TANGO6: variants seen among roughly 807,000 people sequenced by gnomAD.
The protein encoded by TANGO6 is transport and golgi organization 6 homolog.
A neutral mutation model predicts 114.2 loss-of-function variants in TANGO6; 90 were observed. The observed-to-expected ratio is 0.79, with a 90% CI of 0.66 to 0.94. TANGO6 has a LOEUF of 0.94. Ranked by LOEUF, TANGO6 falls within the 40% of genes least tolerant of loss-of-function variation. TANGO6 has a pLI of 0.00. For missense variants in TANGO6, 1,274 were observed against 1,315.3 expected (o/e 0.97, Z 0.49); for synonymous variants, 477 against 509.8 (o/e 0.94, Z 0.87).
chr16:69,083,678 G>A lies in TANGO6; in HGVS notation c.*17G>A, dbSNP rs1392949186. The A allele has an allele frequency of 5.8e-6, 9 of 1,550,150 alleles. No individual in the cohort carries two copies. The Admixed American group carries it at 5.9e-5, about 10-fold the overall frequency. ...CTGCCGTAGACCTGGCTCCAAGGACGTGGAGGAGGCAGGCAGGGCCAGGCA... is the reference window on the plus strand; with the variant it reads ...CTGCCGTAGACCTGGCTCCAAGGACATGGAGGAGGCAGGCAGGGCCAGGCA... On this transcript the variant is annotated 3_prime_UTR_variant, in exon 18 of 18. Coordinates refer to ENST00000261778, the MANE Select transcript of TANGO6 (RefSeq NM_024562.2).
chr16:68,846,189 T>C (rs1192072427), intron 1 of TANGO6, among the ~76,000 whole-genome samples: 1 of 151,740 alleles, frequency 6.6e-6, no homozygotes, highest in Admixed American at 6.6e-5. Context: ...CATGCCCGGC[T>C]AATTTTTTGT....
At chr16:68,978,918 G>C (rs1466976887) in intron 15 of TANGO6, among the ~76,000 whole-genome samples, 1 of 143,602 alleles carries the variant, frequency 7.0e-6, no homozygotes, top group African/African-American at 2.5e-5. Flanking sequence ...AGTATATAAA[G>C]TATATGATTT....
At chr16:69,048,258 ATTTTTTTTTTTT>A (rs71383949) in intron 17 of TANGO6, among the ~76,000 whole-genome samples, 2 of 111,640 alleles carry the variant, frequency 1.8e-5, no homozygotes, top group Non-Finnish European at 3.5e-5. Flanking sequence ...AATTTTTTGT[ATTTTTTTTTTTT>A]TTTTTTTTTT....
chr16:68,914,958 TACACACACAC>T (rs3061679), intron 11 of TANGO6, among the ~76,000 whole-genome samples: 3,266 of 135,268 alleles, frequency 0.024, 99 homozygotes, highest in African/African-American at 0.073. Flanking sequence ...TTTTGATATC[TACACACACAC>T]ACACACACAC....
At chr16:69,061,337 G>T (rs1960112543) in intron 17 of TANGO6, among the ~76,000 whole-genome samples, 1 of 152,110 alleles carries the variant, frequency 6.6e-6, no homozygotes, top group Admixed American at 6.5e-5. Flanking sequence ...GGGCGAGGCA[G>T]GTGGATCACC....
intron 15 of TANGO6, among the ~76,000 whole-genome samples, chr16:68,978,640 A>G (rs1018439708): frequency 5.9e-5 from 9 of 152,124 alleles, no homozygotes; most frequent in African/African-American, 1.9e-4. Context: ...GCCACTTGGT[A>G]AAGCTTCTCT....
At chr16:68,969,578 T>C (rs1395533618) in intron 14 of TANGO6, among the ~76,000 whole-genome samples, 2 of 151,932 alleles carry the variant, frequency 1.3e-5, no homozygotes, top group Non-Finnish European at 2.9e-5. Context: ...CTATTAGATC[T>C]GGGACTGTGG....
chr16:69,032,514 C>T (rs891204088), intron 16 of TANGO6, among the ~76,000 whole-genome samples: 1 of 151,924 alleles, frequency 6.6e-6, no homozygotes, highest in African/African-American at 2.4e-5. Context: ...GCAACCCACC[C>T]GCCTCAGCCT....
At chr16:68,964,752 G>T (rs989001109) in intron 14 of TANGO6, among the ~76,000 whole-genome samples, 9 of 151,316 alleles carry the variant, frequency 5.9e-5, no homozygotes, top group Non-Finnish European at 1.3e-4. Flanking sequence ...TTTCAGTAGA[G>T]ACGGGATTTC....
chr16:69,037,549 G>T (rs1306784227), intron 16 of TANGO6, among the ~76,000 whole-genome samples: 1 of 152,212 alleles, frequency 6.6e-6, no homozygotes. Context: ...TCTGGTTTCA[G>T]CTCTTACCTT....
intron 16 of TANGO6, among the ~76,000 whole-genome samples, chr16:69,025,136 C>G (rs1012042354): frequency 6.6e-6 from 1 of 152,240 alleles, no homozygotes; most frequent in Non-Finnish European, 1.5e-5. Context: ...GCTGGGAATG[C>G]CCGACCCTGG....
intron 12 of TANGO6, among the ~76,000 whole-genome samples, chr16:68,922,939 GTTTTTTT>G (rs531603542): frequency 6.3e-5 from 5 of 79,052 alleles, no homozygotes; most frequent in Non-Finnish European, 1.2e-4. Flanking sequence ...CTTAGGTCAT[GTTTTTTT>G]TTTTTTTTTT....
intron 11 of TANGO6, among the ~76,000 whole-genome samples, chr16:68,914,958 T>TACAC (rs3061679): frequency 0.041 from 5,582 of 135,194 alleles, 268 homozygotes; most frequent in African/African-American, 0.12. Flanking sequence ...TTTTGATATC[T>TACAC]ACACACACAC....
intron 17 of TANGO6, among the ~76,000 whole-genome samples, chr16:69,043,334 A>G (rs1318716373): frequency 2.7e-5 from 4 of 150,064 alleles, no homozygotes; most frequent in Non-Finnish European, 5.9e-5. Context: ...AGCAGAGGAA[A>G]ATGTCTGGTT....
At chr16:68,884,217 CTTT>C (rs1962506701) in intron 7 of TANGO6, among the ~76,000 whole-genome samples, 3 of 152,208 alleles carry the variant, frequency 2.0e-5, no homozygotes, top group South Asian at 2.1e-4. Flanking sequence ...GCCTCACTCA[CTTT>C]ATTTGTAAAG....
chr16:68,899,404 A>G (rs996085804), intron 7 of TANGO6, among the ~76,000 whole-genome samples: 6 of 152,200 alleles, frequency 3.9e-5, no homozygotes, highest in African/African-American at 1.4e-4. Context: ...AGTGTTCAGT[A>G]AAAGTTTGTT....
intron 15 of TANGO6, chr16:69,007,269 C>CTTTTTTTTTTTT (rs546825543): frequency 5.7e-4 from 64 of 112,632 alleles, no homozygotes; most frequent in East Asian, 7.3e-4. Flanking sequence ...TTTTTCTTTT[C>CTTTTTTTTTTTT]TTTTTTTTTT....
intron 9 of TANGO6, among the ~76,000 whole-genome samples, chr16:68,903,815 A>G (rs1395169721): frequency 1.3e-5 from 2 of 151,752 alleles, no homozygotes; most frequent in African/African-American, 2.4e-5. Flanking sequence ...ACAGCTACTC[A>G]GGAGGCTGAG....
chr16:69,043,888 A>G (rs961125613), intron 17 of TANGO6, among the ~76,000 whole-genome samples: 2 of 152,174 alleles, frequency 1.3e-5, no homozygotes, highest in African/African-American at 2.4e-5. Context: ...GCGTCAGCCA[A>G]GGGCCTCTGT....
Sources: gnomAD v4.1 joint callset for allele counts (sites outside exome capture counted in the v4.1 genomes callset) on GRCh38, gnomAD v4.1.1 for gene constraint, MANE v1.5 for transcripts, NCBI Gene and HGNC (gene_info 2026-07-23, HGNC 2026-07-21) for gene names.